Variants in ADCY1 observed in about 807,000 individuals in gnomAD.
The protein encoded by ADCY1 is adenylate cyclase type 1.
ADCY1 carries 28 observed loss-of-function variants against 105.4 expected under a neutral mutation model. The observed-to-expected ratio is 0.27, with a 90% CI of 0.20 to 0.36. The LOEUF (loss-of-function observed/expected upper bound fraction) is 0.36, where lower values mean the gene tolerates loss of function less well. Among genes scored for constraint, ADCY1 ranks in the 10% least tolerant of loss-of-function variants. The pLI is 1.00. For missense variants in ADCY1, 977 were observed against 1,434.2 expected, an observed-to-expected ratio of 0.68 and a Z score of 5.15; for synonymous variants, 655 against 623.8, an observed-to-expected ratio of 1.05 and a Z score of -0.75.
intron 5 of ADCY1, 45 bp from the exon 6 acceptor site, chr7:45,657,682 G>T (rs1322451369): frequency 3.8e-6 from 6 of 1,583,476 alleles, no homozygotes; most frequent in Non-Finnish European, 5.2e-6. Context: ...CCCCTGGGAG[G>T]ATACAAGGTG....
chr7:45,617,361 T>C (rs1251805318), intron 3 of ADCY1, among the ~76,000 whole-genome samples: 1 of 152,226 alleles, frequency 6.6e-6, no homozygotes, highest in Non-Finnish European at 1.5e-5. Flanking sequence ...CGGGCTTGTA[T>C]GGCCTGGGGC....
chr7:45,611,484 A>G (rs188765017), intron 3 of ADCY1, among the ~76,000 whole-genome samples: 2 of 152,132 alleles, frequency 1.3e-5, no homozygotes, highest in Admixed American at 1.3e-4. Flanking sequence ...GCATTATGCT[A>G]GTTGTTGCTG....
intron 5 of ADCY1, among the ~76,000 whole-genome samples, chr7:45,657,066 C>T (rs1050831513): frequency 6.6e-6 from 1 of 152,242 alleles, no homozygotes; most frequent in Non-Finnish European, 1.5e-5. Flanking sequence ...ACCTGCTCTG[C>T]CTCTTTTCCC....
rs1785483163 is a variant in ADCY1 at position 45,721,998 on chromosome 7, C to G, written c.*8003C>G. 2 of 395,064 alleles carry G rather than the reference C, an allele frequency of 5.1e-6. No individual in the cohort carries two copies. The highest frequency in any genetic ancestry group is 3.6e-5 in the East Asian group (1 of 27,924). The allele number at this position is 395,064 out of a possible 1,614,324, so 24.5% of individuals were successfully genotyped here. A position where few individuals can be genotyped will look rare whatever the true frequency, so the allele number is the denominator to read the frequency against. On this transcript the variant is annotated 3_prime_UTR_variant, in exon 20 of 20. Transcript: ENST00000297323. The stretch of plus-strand genomic sequence containing the variant: ...CTGTGCAACAGTAGCCCAGAGCATC[C>G]TGCCTGTGGGCATCCACCTCCCAGG...
At chr7:45,682,499 G>A (rs1784579109) in intron 11 of ADCY1, among the ~76,000 whole-genome samples, 1 of 152,166 alleles carries the variant, frequency 6.6e-6, no homozygotes, top group Non-Finnish European at 1.5e-5. Flanking sequence ...CGAGGTCAAG[G>A]CGTCAGGCAC....
intron 3 of ADCY1, among the ~76,000 whole-genome samples, chr7:45,616,822 A>G (rs1233451647): frequency 6.6e-6 from 1 of 152,242 alleles, no homozygotes; most frequent in Non-Finnish European, 1.5e-5. Flanking sequence ...CAGAGCAATT[A>G]GAGAAGAAAG....
intron 3 of ADCY1, among the ~76,000 whole-genome samples, chr7:45,611,114 TGTGATGGTGGAG>T (rs1006793805): frequency 4.7e-4 from 19 of 40,810 alleles, no homozygotes; most frequent in African/African-American, 1.8e-3. Context: ...TGATGGTGGA[TGTGATGGTGGAG>T]GTGAGTAAAC....
rs563397807 is a variant in ADCY1 at position 45,684,946 on chromosome 7, A to G, written c.1984-33A>G. On this transcript the variant is annotated intron_variant, in intron 11 of 19. Transcript: ENST00000297323. ...GCACGTGAATCACCTTGGTAATCAG[A>G]GGGTATTTTCTAAATTAACATTTCT... 42 of 1,580,324 alleles carry G rather than the reference A, an allele frequency of 2.7e-5. No individual in the cohort carries two copies. In the South Asian group the frequency reaches 3.5e-4, roughly 13 times the overall value.
intron 3 of ADCY1, among the ~76,000 whole-genome samples, chr7:45,616,093 A>G (rs539875747): frequency 1.1e-4 from 16 of 152,368 alleles, no homozygotes; most frequent in Admixed American, 3.9e-4. Context: ...GGAAATTTTG[A>G]TAAATGTCAA....
At chr7:45,600,087 G>A (rs542052341) in intron 2 of ADCY1, among the ~76,000 whole-genome samples, 4 of 152,226 alleles carry the variant, frequency 2.6e-5, no homozygotes, top group African/African-American at 9.6e-5. Flanking sequence ...AGGTGTGGCC[G>A]GGAGAGGAAA....
At chr7:45,657,913 A>C in intron 6 of ADCY1, 28 bp downstream of exon 6, 3 of 328,922 alleles carry the variant, frequency 9.1e-6, no homozygotes, top group Non-Finnish European at 1.8e-5. Context: ...TGGGGAGGGG[A>C]GGGAGGTGGG....
At chr7:45,662,037 T>C (rs199788046) in intron 7 of ADCY1, 22 bp from the exon 8 acceptor site, 47 of 1,608,496 alleles carry the variant, frequency 2.9e-5, no homozygotes, top group East Asian at 4.5e-5. Flanking sequence ...CATTTCTCCT[T>C]GCCCCTTGTG....
At chr7:45,612,013 G>A (rs1052883043) in intron 3 of ADCY1, among the ~76,000 whole-genome samples, 4 of 152,178 alleles carry the variant, frequency 2.6e-5, no homozygotes, top group Non-Finnish European at 5.9e-5. Flanking sequence ...GTCCATCAGA[G>A]TCAGTCATCC....
At chr7:45,599,405 C>T (rs577080223) in intron 2 of ADCY1, among the ~76,000 whole-genome samples, 5 of 151,078 alleles carry the variant, frequency 3.3e-5, no homozygotes, top group Non-Finnish European at 5.9e-5. Context: ...TACATTGGGC[C>T]CCTCAGTCAC....
At chr7:45,611,637 GTT>G (rs35339777) in intron 3 of ADCY1, among the ~76,000 whole-genome samples, 31 of 140,856 alleles carry the variant, frequency 2.2e-4, no homozygotes, top group East Asian at 4.0e-4. Context: ...AGGTTTGCTT[GTT>G]TTTTTTTTTT....
intron 4 of ADCY1, among the ~76,000 whole-genome samples, chr7:45,643,037 C>T (rs1373864859): frequency 1.3e-5 from 2 of 151,366 alleles, no homozygotes; most frequent in African/African-American, 2.4e-5. Flanking sequence ...GATCGATTGC[C>T]GTCTTTTTTA....
intron 1 of ADCY1, among the ~76,000 whole-genome samples, chr7:45,586,498 T>C (rs1400739449): frequency 3.3e-5 from 5 of 152,242 alleles, no homozygotes; most frequent in Non-Finnish European, 7.3e-5. Flanking sequence ...TACCCATCAC[T>C]GGCTCCAACA....
rs537398355 is a variant in ADCY1 at position 45,694,767 on chromosome 7, G to A, written c.2454+8094G>A. On this transcript the variant is annotated intron_variant, in intron 14 of 19. Coordinates refer to ENST00000297323, the MANE Select transcript of ADCY1 (RefSeq NM_021116.4). Reference sequence around the variant, plus strand: ...ATTAATTCTCAGACTAATTTTGTCCGCTCCTGAGGCAAAACCCTTTTCAGT... The same window carrying A: ...ATTAATTCTCAGACTAATTTTGTCCACTCCTGAGGCAAAACCCTTTTCAGT... Among the ~76,000 whole-genome samples, 23 of 152,298 alleles carry A rather than the reference G, an allele frequency of 1.5e-4. No homozygotes were observed. In the South Asian group the frequency reaches 2.1e-3, roughly 14 times the overall value.
chr7:45,689,194 G>T (rs1240411449), intron 14 of ADCY1, among the ~76,000 whole-genome samples: 2 of 151,970 alleles, frequency 1.3e-5, no homozygotes, highest in Admixed American at 6.6e-5. Context: ...GCTGCTGTGT[G>T]GTGCGCTCAC....
Sources: allele counts gnomAD v4.1 joint callset (sites outside exome capture counted in the v4.1 genomes callset), GRCh38; gene constraint gnomAD v4.1.1; transcripts MANE v1.5; gene names NCBI Gene and HGNC (gene_info 2026-07-23, HGNC 2026-07-21).